Variants in MAP3K12 observed in about 807,000 individuals in gnomAD.
The protein encoded by MAP3K12 is MAPK-upstream kinase.
MAP3K12 carries 14 observed loss-of-function variants against 87.5 expected under a neutral mutation model. The ratio of observed to expected loss-of-function variants is 0.16; its 90% confidence interval spans 0.11 to 0.25. MAP3K12 has a LOEUF of 0.25. MAP3K12 is among the 10% of genes least tolerant of loss of function. MAP3K12 has a pLI of 1.00. For missense variants in MAP3K12, 802 were observed against 1,140.4 expected, an observed-to-expected ratio of 0.70 and a Z score of 4.27; for synonymous variants, 469 against 452.5, an observed-to-expected ratio of 1.04 and a Z score of -0.46.
intron 4 of MAP3K12, chr12:53,485,801 C>T: frequency 1.9e-6 from 1 of 522,642 alleles, no homozygotes; most frequent in Non-Finnish European, 3.4e-6. Flanking sequence ...TGTGATCCAC[C>T]CGCCTCGGCC....
chr12:53,484,953 T>C lies in MAP3K12; in HGVS notation c.1139+103A>G, dbSNP rs1024630889. The C allele has an allele frequency of 5.6e-6, 8 of 1,440,878 alleles. No individual in the cohort carries two copies. The African/African-American group carries it at 1.1e-4, about 20-fold the overall frequency. 89.3% of individuals were successfully genotyped at this position (1,440,878 alleles called of 1,614,324 possible). ...CCTGATTCAGATGAAAGTCAGTCTCTTTGAATTAAATGTACCCCTGCCATT... is the reference window on the plus strand; with the variant it reads ...CCTGATTCAGATGAAAGTCAGTCTCCTTGAATTAAATGTACCCCTGCCATT... On this transcript the variant is annotated intron_variant, in intron 6 of 13. Coordinates refer to ENST00000547488, the MANE Select transcript of MAP3K12 (RefSeq NM_001193511.2).
At chr12:53,482,406 A>G in intron 11 of MAP3K12, 37 bp from the exon 12 acceptor site, 1 of 1,611,598 alleles carries the variant, frequency 6.2e-7, no homozygotes, top group East Asian at 2.2e-5. Flanking sequence ...TCTGATTAGA[A>G]GTGGAAAGAG....
Position 53,483,435 on chromosome 12 carries a change from A to C in MAP3K12, c.1527T>G (p.Pro509=). 6.2e-7 allele frequency: 1 copy of C among 1,614,116 alleles called. No individual in the cohort carries two copies. Among genetic ancestry groups the C allele is most frequent in the East Asian group, 2.2e-5 (1 of 44,876 alleles). ...TGTTTCCATGCAGGAGGCCCCGGGA[A>C]GGGTGTGGCTTCAGCAGGCCTGGGC... ...RRCPGLLKPH[P]SRGLLHGNTM... Residue 509 remains proline (P), a synonymous_variant, in exon 10 of 14, where the codon CCT becomes CCG. Coordinates refer to ENST00000547488, the MANE Select transcript of MAP3K12 (RefSeq NM_001193511.2).
At chr12:53,485,997 A>G in intron 4 of MAP3K12, 59 bp downstream of exon 4, 5 of 1,512,956 alleles carry the variant, frequency 3.3e-6, no homozygotes, top group Non-Finnish European at 4.5e-6. Flanking sequence ...GGAGAAGGCC[A>G]CACTGACTTG....
chr12:53,479,675 T>TTTTTTTTTTTTTTGTTTTG lies in MAP3K12; in HGVS notation c.*1506_*1507insCAAAACAAAAAAAAAAAAA. ...AGTTTTATAAGCTTCTCCCTGGTTTTTTTTTTTTGGCTCATGAATTTTTCT... is the reference window on the plus strand; with the variant it reads ...AGTTTTATAAGCTTCTCCCTGGTTTTTTTTTTTTTTTTTGTTTTGTTTTTTTTGGCTCATGAATTTTTCT... On this transcript the variant is annotated 3_prime_UTR_variant, in exon 14 of 14. Coordinates refer to ENST00000547488, the MANE Select transcript of MAP3K12 (RefSeq NM_001193511.2). 1 of 386,446 alleles carries TTTTTTTTTTTTTTGTTTTG rather than the reference T, an allele frequency of 2.6e-6. No individual in the cohort carries two copies. Among genetic ancestry groups the TTTTTTTTTTTTTTGTTTTG allele is most frequent in the Non-Finnish European group, 4.6e-6 (1 of 216,430 alleles). 23.9% of individuals were successfully genotyped at this position (386,446 alleles called of 1,614,324 possible).
Position 53,484,385 on chromosome 12 carries a change from G to C in MAP3K12, c.1140-20C>G. Reference sequence around the variant, plus strand: ...CTATTCCTGAAAGGAATGGAGTTAGGAAGGAGAGGGGAGAATTTGAGGGAG... The same window carrying C: ...CTATTCCTGAAAGGAATGGAGTTAGCAAGGAGAGGGGAGAATTTGAGGGAG... On this transcript the variant is annotated intron_variant, in intron 6 of 13. Transcript: ENST00000547488. The C allele has an allele frequency of 6.3e-7, 1 of 1,585,784 alleles. No homozygotes were observed. Among genetic ancestry groups the C allele is most frequent in the Non-Finnish European group, 8.7e-7 (1 of 1,154,312 alleles).
intron 4 of MAP3K12, chr12:53,485,736 T>G: frequency 1.9e-6 from 1 of 513,790 alleles, no homozygotes; most frequent in Non-Finnish European, 3.4e-6. Context: ...TTTTGTATTT[T>G]TATTAGAGAC....
rs749877558 is a variant in MAP3K12 at position 53,485,046 on chromosome 12, C to T, written c.1139+10G>A. On this transcript the variant is annotated intron_variant, in intron 6 of 13. Coordinates refer to ENST00000547488, the MANE Select transcript of MAP3K12 (RefSeq NM_001193511.2). ...TCCAGGCCCAGTATCCCAGCCCAGA[C>T]CATCCTTACCAGCACTGGCGAAGCA... The T allele has an allele frequency of 2.9e-5, 46 of 1,614,002 alleles. No individual in the cohort carries two copies. Among genetic ancestry groups the T allele is most frequent in the Non-Finnish European group, 3.2e-5 (38 of 1,180,016 alleles).
intron 1 of MAP3K12, among the ~76,000 whole-genome samples, chr12:53,494,377 A>G (rs953680691): frequency 1.3e-5 from 2 of 152,264 alleles, no homozygotes; most frequent in South Asian, 4.2e-4. Context: ...GTGCCAGGGG[A>G]GGAGGCTCTT....
At chr12:53,492,444 T>A (rs934949130) in intron 1 of MAP3K12, among the ~76,000 whole-genome samples, 1 of 151,602 alleles carries the variant, frequency 6.6e-6, no homozygotes, top group African/African-American at 2.4e-5. Flanking sequence ...CCCCGCACAC[T>A]CTCTCTGCGC....
chr12:53,485,184 C>A lies in MAP3K12; in HGVS notation c.1011G>T (p.Leu337=). 1 of 1,613,676 alleles carries A rather than the reference C, an allele frequency of 6.2e-7. No homozygotes were observed. The highest frequency in any genetic ancestry group is 8.5e-7 in the Non-Finnish European group (1 of 1,179,718). ...WSFGVVLWEL[L]TGEIPYKDVD... Reference sequence around the variant, plus strand: ...CGTCTTTGTAGGGGATCTCACCAGTCAGCAGTTCCCATAGCACCACGCCAA... The same window carrying A: ...CGTCTTTGTAGGGGATCTCACCAGTAAGCAGTTCCCATAGCACCACGCCAA... Residue 337 remains leucine, a synonymous_variant, in exon 6 of 14, where the codon CTG becomes CTT. Transcript: ENST00000547488.
chr12:53,485,629 C>T, intron 4 of MAP3K12, 154 bp from the exon 5 acceptor site: 4 of 778,538 alleles, frequency 5.1e-6, no homozygotes, highest in Non-Finnish European at 8.2e-6. Flanking sequence ...AATCTCGGCT[C>T]ACTGCAACCT....
chr12:53,497,378 AG>A (rs1943565227), intron 1 of MAP3K12, among the ~76,000 whole-genome samples: 1 of 152,170 alleles, frequency 6.6e-6, no homozygotes, highest in South Asian at 2.1e-4. Context: ...AGGGAGGTGG[AG>A]AAACAAGAGG....
At position 53,487,672 on chromosome 12, in the gene MAP3K12, C is replaced by G. The variant is rs1331755460; in HGVS notation, c.-37-244G>C. The stretch of plus-strand genomic sequence containing the variant: ...AAGTAATAGGTAGACAGGTATCGTA[C>G]CTGAGTATCATTCTCAGGTAACAGC... On this transcript the variant is annotated intron_variant, in intron 1 of 13. Coordinates refer to ENST00000547488, the MANE Select transcript of MAP3K12 (RefSeq NM_001193511.2). 3 of 415,640 alleles carry G rather than the reference C, an allele frequency of 7.2e-6. No homozygotes were observed. The East Asian group carries it at 1.2e-4, about 17-fold the overall frequency. The allele number at this position is 415,640 out of a possible 1,614,324, so 25.7% of individuals were successfully genotyped here.
Position 53,482,006 on chromosome 12 carries a change from C to A in MAP3K12, c.2515G>T (p.Glu839Ter). ...CTGGGTTCAGGGCCAGGGATGACCT[C>A]TGAAGGAGGTGGGTCCAGTGGGATT... ...SEIPLDPPPS[E>*]VIPGPEPSSL... Residue 839 changes from glutamate (E) to a stop codon, truncating the protein, a stop_gained, in exon 13 of 14, where the codon GAG (glutamate) becomes TAG (stop). Transcript: ENST00000547488. LOFTEE classifies it high-confidence loss of function. The A allele has an allele frequency of 6.2e-7, 1 of 1,614,196 alleles. No homozygotes were observed. The highest frequency in any genetic ancestry group is 8.5e-7 in the Non-Finnish European group (1 of 1,180,038).
chr12:53,483,571 C>A, intron 9 of MAP3K12, 36 bp downstream of exon 9: 1 of 1,613,962 alleles, frequency 6.2e-7, no homozygotes, highest in African/African-American at 1.3e-5. Flanking sequence ...GCAGGCACAG[C>A]TCCAGGGCTT....
rs774062591 is a variant in MAP3K12, at chr12:53,485,992, A to G, written c.821+64T>C. 1.4e-4 allele frequency: 206 copies of G among 1,481,876 alleles called. 1 individual carries two copies. The highest frequency in any genetic ancestry group is 1.7e-4 in the Non-Finnish European group (186 of 1,089,408). 91.8% of individuals were successfully genotyped at this position (1,481,876 alleles called of 1,614,324 possible). On this transcript the variant is annotated intron_variant, in intron 4 of 13. Coordinates refer to ENST00000547488, the MANE Select transcript of MAP3K12 (RefSeq NM_001193511.2). ...AGGGCATGGTTTGGAAGCCGGGAGAAGGCCACACTGACTTGAGTGGGTCAC... is the reference window on the plus strand; with the variant it reads ...AGGGCATGGTTTGGAAGCCGGGAGAGGGCCACACTGACTTGAGTGGGTCAC...
chr12:53,490,732 T>C (rs1247391134), intron 1 of MAP3K12, among the ~76,000 whole-genome samples: 23 of 142,822 alleles, frequency 1.6e-4, no homozygotes, highest in Non-Finnish European at 3.2e-4. Flanking sequence ...GGCAACAGAG[T>C]GAGACTCCAT....
In MAP3K12 at chr12:53,485,058, G is replaced by A. The variant is rs775610998; in HGVS notation, c.1137C>T (p.Cys379=). The change falls in exon 6 of 14, where the codon TGC becomes TGT. Residue 379 remains cysteine (C), a splice_region_variant and synonymous_variant. Coordinates refer to ENST00000547488, the MANE Select transcript of MAP3K12 (RefSeq NM_001193511.2). ...PDGFKILLRQ[C]WNSKPRNRPS... ...ATCCCAGCCCAGACCATCCTTACCA[G>A]CACTGGCGAAGCAGGATCTTGAAAC... is the stretch of plus-strand genomic sequence containing the variant. The A allele has an allele frequency of 3.1e-6, 5 of 1,614,142 alleles. No individual in the cohort carries two copies. In the East Asian group the frequency reaches 8.9e-5, roughly 29 times the overall value.
Sources: gnomAD v4.1 joint callset for allele counts (sites outside exome capture counted in the v4.1 genomes callset) on GRCh38, gnomAD v4.1.1 for gene constraint, MANE v1.5 for transcripts, NCBI Gene and HGNC (gene_info 2026-07-23, HGNC 2026-07-21) for gene names.